FAM161A: variants seen among roughly 807,000 people sequenced by gnomAD.
The protein encoded by FAM161A is FAM161 centrosomal protein A, also known as protein FAM161A.
FAM161A carries 57 observed loss-of-function variants against 70.9 expected under a neutral mutation model. The ratio of observed to expected loss-of-function variants is 0.80; its 90% CI spans 0.65 to 1.00. The LOEUF is 1.00. FAM161A is among the 50% of genes least tolerant of loss of function. The pLI, the probability that FAM161A is intolerant of heterozygous loss-of-function variation, is 0.00. For missense variants in FAM161A, 880 were observed against 836.0 expected, an observed-to-expected ratio of 1.05 and a Z score of -0.65; for synonymous variants, 299 against 295.7, an observed-to-expected ratio of 1.01 and a Z score of -0.12.
At chr2:61,836,252 A>G (rs1324365461) in intron 4 of FAM161A, 143 bp from the exon 5 acceptor site, 1 of 693,608 alleles carries the variant, frequency 1.4e-6, no homozygotes, top group Non-Finnish European at 2.5e-6. Context: ...ATCAGAAATT[A>G]TAAGCACAGT....
chr2:61,847,884 C>CTGAA (rs768436915), intron 1 of FAM161A, among the ~76,000 whole-genome samples: 13 of 152,094 alleles, frequency 8.5e-5, no homozygotes, highest in Admixed American at 2.6e-4. Flanking sequence ...GGAATATTTA[C>CTGAA]TGAATGAATG....
At chr2:61,833,185 G>A (rs1672645962) in intron 5 of FAM161A, among the ~76,000 whole-genome samples, 1 of 152,234 alleles carries the variant, frequency 6.6e-6, no homozygotes, top group East Asian at 1.9e-4. Context: ...AGCACTTTGG[G>A]AGGCCAATGC....
chr2:61,811,960 A>G, the FAM161A span, among the ~76,000 whole-genome samples: 1 of 151,946 alleles, frequency 6.6e-6, no homozygotes, highest in Non-Finnish European at 1.5e-5. Flanking sequence ...AACTCTCTCC[A>G]CGTCTCACTG....
Position 61,840,512 on chromosome 2 carries a change from G to C in FAM161A, c.492C>G (p.Gly164=), listed in dbSNP as rs754360011. 1.2e-6 allele frequency: 2 copies of C among 1,613,898 alleles called. No homozygotes were observed. Among genetic ancestry groups the C allele is most frequent in the African/African-American group, 1.3e-5 (1 of 75,012 alleles). Residue 164 remains glycine, a synonymous_variant, in exon 3 of 7, where the codon GGC becomes GGG. Transcript: ENST00000404929. ...LMTSFSEPDL[G]QSSSLYVSSS... ...AGGACACATACAAGGAGGAAGACTGGCCTAAATCAGGCTCTGAAAATGATG... is the reference window on the plus strand; with the variant it reads ...AGGACACATACAAGGAGGAAGACTGCCCTAAATCAGGCTCTGAAAATGATG...
Position 61,836,027 on chromosome 2 carries a change from A to G in FAM161A, c.1834T>C (p.Phe612Leu). The G allele has an allele frequency of 6.2e-7, 1 of 1,608,874 alleles. No homozygotes were observed. Among genetic ancestry groups the G allele is most frequent in the Non-Finnish European group, 8.5e-7 (1 of 1,177,608 alleles). The change falls in exon 5 of 7, where the codon TTT becomes CTT. Residue 612 changes from phenylalanine (F) to leucine (L), a missense_variant. By Grantham distance (22) the Phe-to-Leu change is conservative. Coordinates refer to ENST00000404929, the MANE Select transcript of FAM161A (RefSeq NM_001201543.2). ...AACACAACCTGAGCAACTCTTTCAA[A>G]TAGCAGTGGCCTCTTTTTTAATTTT... ...EEKLKKRPLLFERVAQKNARM... is the reference protein window; with the variant it reads ...EEKLKKRPLLLERVAQKNARM...
At chr2:61,826,650 AG>A (rs755888023) in intron 6 of FAM161A, 51 bp from the exon 7 acceptor site, 1 of 1,522,762 alleles carries the variant, frequency 6.6e-7, no homozygotes, top group Non-Finnish European at 9.0e-7. Flanking sequence ...GTTGGTTTAA[AG>A]GTAAACAAAC....
chr2:61,823,387 T>TATATATATATATATATATATATATATATA (rs1558470717), downstream of FAM161A, among the ~76,000 whole-genome samples: 3 of 110,890 alleles, frequency 2.7e-5, no homozygotes, highest in African/African-American at 6.7e-5. Flanking sequence ...ATATATATAT[T>TATATATATATATATATATATATATATATA]GAGTCAGGGT....
chr2:61,836,202 T>C, intron 4 of FAM161A, 93 bp from the exon 5 acceptor site: 1 of 930,806 alleles, frequency 1.1e-6, no homozygotes, highest in Non-Finnish European at 1.7e-6. Flanking sequence ...TTGTACAAAG[T>C]CAATGAAAAA....
At chr2:61,846,852 G>A in intron 1 of FAM161A, 1 of 440,232 alleles carries the variant, frequency 2.3e-6, no homozygotes, top group Non-Finnish European at 4.5e-6. Context: ...TTTAGTAGCA[G>A]TGTCTGAATC....
chr2:61,847,638 A>G (rs1230449134), intron 1 of FAM161A, among the ~76,000 whole-genome samples: 2 of 151,994 alleles, frequency 1.3e-5, no homozygotes. Flanking sequence ...TTGGTGAGGT[A>G]GTATGCACCT....
chr2:61,803,223 G>A, the FAM161A span: 4 of 594,192 alleles, frequency 6.7e-6, no homozygotes, highest in Non-Finnish European at 1.3e-5. Context: ...AAATGTATAA[G>A]ACCACACTGG....
In FAM161A at chr2:61,853,992, G is replaced by T; in HGVS notation, c.50C>A (p.Thr17Asn). The T allele has an allele frequency of 6.2e-7, 1 of 1,613,672 alleles. No individual in the cohort carries two copies. Among genetic ancestry groups the T allele is most frequent in the Non-Finnish European group, 8.5e-7 (1 of 1,179,740 alleles). ...CGCTCCAGTGATGGGATTTACCGGG[G>T]TCTGGAGACTGGAGGCCACCAGCTT... Reference protein sequence around the residue: ...VAKLVASSLQTPVNPITGARV... With the variant: ...VAKLVASSLQNPVNPITGARV... The change falls in exon 1 of 7, where the codon ACC (threonine) becomes AAC (asparagine). Residue 17 changes from threonine to asparagine, a missense_variant. Transcript: ENST00000404929.
chr2:61,839,041 C>T (rs1672893376), intron 3 of FAM161A, among the ~76,000 whole-genome samples: 1 of 151,566 alleles, frequency 6.6e-6, no homozygotes, highest in Non-Finnish European at 1.5e-5. Flanking sequence ...CGCCACCACG[C>T]CCAGCTAATT....
At chr2:61,820,223 C>G (rs4271754), downstream of FAM161A, 477,490 of 597,010 alleles carry the variant, frequency 0.8, 192,103 homozygotes, top group East Asian at 0.91. Context: ...GTCTCCTAAA[C>G]AGCCAAGCAG....
chr2:61,839,799 G>T lies in FAM161A; in HGVS notation c.1205C>A (p.Ser402Ter). 1.2e-6 allele frequency: 2 copies of T among 1,614,164 alleles called. No homozygotes were observed. Among genetic ancestry groups the T allele is most frequent in the Non-Finnish European group, 1.7e-6 (2 of 1,180,036 alleles). The change falls in exon 3 of 7, where the codon TCA (serine) becomes TAA (stop). Residue 402 changes from serine to a stop codon, truncating the protein, a stop_gained. Coordinates refer to ENST00000404929, the MANE Select transcript of FAM161A (RefSeq NM_001201543.2). LOFTEE classifies it high-confidence loss of function. ...CCTGGGGTTCCTGCATCCACAAGCT[G>T]ACCTACAAGGCAGAGGAGATGAGTT... ...LQNSSPLPCR[S>*]ACGCRNPRCP...
At chr2:61,820,327 G>C (rs1325815668), downstream of FAM161A, 2 of 743,180 alleles carry the variant, frequency 2.7e-6, no homozygotes, top group African/African-American at 1.7e-5. Flanking sequence ...CACAGGCTGT[G>C]TGGTCATGAG....
chr2:61,839,279 A>C, intron 3 of FAM161A, 142 bp downstream of exon 3: 1 of 691,798 alleles, frequency 1.4e-6, no homozygotes, highest in Non-Finnish European at 2.4e-6. Flanking sequence ...CTGACAAAAT[A>C]TCATATATTA....
At chr2:61,809,634 C>A in the FAM161A span, among the ~76,000 whole-genome samples, 1 of 152,162 alleles carries the variant, frequency 6.6e-6, no homozygotes, top group Non-Finnish European at 1.5e-5. Flanking sequence ...AGGTTGTTTG[C>A]AAAGATGGCC....
chr2:61,825,928 T>C lies in FAM161A; in HGVS notation c.*527A>G. 2.2e-6 allele frequency: 1 copy of C among 454,118 alleles called. No individual in the cohort carries two copies. Among genetic ancestry groups the C allele is most frequent in the Non-Finnish European group, 4.4e-6 (1 of 226,754 alleles). The allele number at this position is 454,118 out of a possible 1,614,324, so 28.1% of individuals were successfully genotyped here. A position where few individuals can be genotyped will look rare whatever the true frequency, so the allele number is the denominator to read the frequency against. ...CTGGGATTACAGGCATGAGCCACCA[T>C]ACCCGGCGTTTTTTCTATACTTTTA... is the stretch of plus-strand genomic sequence containing the variant. On this transcript the variant is annotated 3_prime_UTR_variant, in exon 7 of 7. Transcript: ENST00000404929.
Sources: gnomAD v4.1 joint callset for allele counts (sites outside exome capture counted in the v4.1 genomes callset) on GRCh38, gnomAD v4.1.1 for gene constraint, MANE v1.5 for transcripts, NCBI Gene and HGNC (gene_info 2026-07-23, HGNC 2026-07-21) for gene names.